The following ZSWIM9 variants were observed in gnomAD, a reference collection of about 807,000 sequenced individuals.
The protein encoded by ZSWIM9 is uncharacterized protein ZSWIM9.
In ZSWIM9, 11 loss-of-function variants were observed where a neutral mutation model predicts 25.0. The ratio of observed to expected loss-of-function variants is 0.44; its 90% CI spans 0.28 to 0.73. The LOEUF (loss-of-function observed/expected upper bound fraction) is 0.73. Ranked by LOEUF, ZSWIM9 falls within the 30% of genes least tolerant of loss-of-function variation. ZSWIM9 has a pLI of 0.16. For missense variants in ZSWIM9, 1,070 were observed against 1,296.5 expected (o/e 0.83, Z 2.68); for synonymous variants, 562 against 582.1 (o/e 0.97, Z 0.50).
rs1174253934 is a variant in ZSWIM9, at chr19:48,195,750, C to G, written c.1686C>G (p.Pro562=). 6.8e-7 allele frequency: 1 copy of G among 1,480,448 alleles called. No homozygotes were observed. Among genetic ancestry groups the G allele is most frequent in the Admixed American group, 2.4e-5 (1 of 41,544 alleles). 91.7% of individuals were successfully genotyped at this position (1,480,448 alleles called of 1,614,324 possible). A position where few individuals can be genotyped will look rare whatever the true frequency, so the allele number is the denominator to read the frequency against. The part of the protein sequence containing the change: ...RGPEIRDWRG[P]QLEGEKDWGL... ...CAGAGATTAGAGACTGGAGGGGGCCCCAGTTGGAGGGTGAGAAAGATTGGG... is the reference window on the plus strand; with the variant it reads ...CAGAGATTAGAGACTGGAGGGGGCCGCAGTTGGAGGGTGAGAAAGATTGGG... Residue 562 remains proline, a synonymous_variant, in exon 4 of 4, where the codon CCC becomes CCG. Transcript: ENST00000614654. This position sits in a 1 kb window ranked among gnomAD's most constrained non-coding sequence, Gnocchi z 5.8.
chr19:48,177,654 G>A (rs148328991), intron 2 of ZSWIM9, among the ~76,000 whole-genome samples: 2,020 of 152,198 alleles, frequency 0.013, 48 homozygotes, highest in African/African-American at 0.046. Context: ...TGACCTACCC[G>A]GAGCAAGGGG....
intron 3 of ZSWIM9, chr19:48,186,592 C>T (rs2037014302): frequency 6.5e-6 from 1 of 154,866 alleles, no homozygotes; most frequent in Admixed American, 6.5e-5. Flanking sequence ...GGGGCCACCA[C>T]ACCCGGCCTG....
At chr19:48,175,973 A>C (rs1303102642) in intron 2 of ZSWIM9, among the ~76,000 whole-genome samples, 1 of 152,244 alleles carries the variant, frequency 6.6e-6, no homozygotes, top group Non-Finnish European at 1.5e-5. Context: ...TGGGAGGCCG[A>C]GGCGGGCAGA....
At chr19:48,187,556 ATT>A (rs1261410114) in intron 3 of ZSWIM9, 1 of 27,654 alleles carries the variant, frequency 3.6e-5, no homozygotes, top group South Asian at 1.1e-3. Context: ...TATTATATAT[ATT>A]ATATATAATA....
rs2037167729 is a variant in ZSWIM9, at chr19:48,196,501, C to G, written c.2437C>G (p.Pro813Ala). 1 of 1,232,404 alleles carries G rather than the reference C, an allele frequency of 8.1e-7. No individual in the cohort carries two copies. Among genetic ancestry groups the G allele is most frequent in the Non-Finnish European group, 1.0e-6 (1 of 988,312 alleles). 76.3% of individuals were successfully genotyped at this position (1,232,404 alleles called of 1,614,324 possible). A position where few individuals can be genotyped will look rare whatever the true frequency, so the allele number is the denominator to read the frequency against. Residue 813 changes from proline (P) to alanine (A), a missense_variant, in exon 4 of 4, where the codon CCG becomes GCG. This residue lies in a region of ZSWIM9 where 583 missense variants were observed against 624.7 expected (regional missense o/e 0.93). Coordinates refer to ENST00000614654, the MANE Select transcript of ZSWIM9 (RefSeq NM_199341.4). Reference protein sequence around the residue: ...PREPKRLCRPPGEEEVDWEPL... With the variant: ...PREPKRLCRPAGEEEVDWEPL... ...GGAACCAAAGAGGCTTTGCCGACCC[C>G]CGGGAGAGGAGGAGGTGGACTGGGA...
intron 2 of ZSWIM9, among the ~76,000 whole-genome samples, chr19:48,179,554 G>A (rs986278456): frequency 2.6e-5 from 4 of 152,112 alleles, no homozygotes; most frequent in Admixed American, 6.6e-5. Flanking sequence ...TCTGAGAACC[G>A]CTGTCCTAGA....
chr19:48,176,408 T>G (rs77781385), intron 2 of ZSWIM9, among the ~76,000 whole-genome samples: 5 of 152,138 alleles, frequency 3.3e-5, no homozygotes, highest in African/African-American at 9.7e-5. Context: ...GGCCCCACTT[T>G]CCAGGTGAGA....
Position 48,195,020 on chromosome 19 carries a change from C to A in ZSWIM9, c.956C>A (p.Ala319Glu). ...TGCGCGCGCGTGCAGATCTGCCGCG[C>A]GCAGGGCCTGGAGACGCTCTTCAGC... The part of the protein sequence containing the change: ...LPCARVQICR[A>E]QGLETLFSKA... Residue 319 changes from alanine to glutamate, a missense_variant, in exon 4 of 4, where the codon GCG becomes GAG. Physicochemically the swap from Ala to Glu is moderately radical, Grantham distance 107. Transcript: ENST00000614654. The surrounding 1 kb of genome is among the most constrained non-coding windows in gnomAD (Gnocchi z 5.8). 1 of 1,368,862 alleles carries A rather than the reference C, an allele frequency of 7.3e-7. No individual in the cohort carries two copies. 84.8% of individuals were successfully genotyped at this position (1,368,862 alleles called of 1,614,324 possible).
chr19:48,190,983 A>C (rs998930813), intron 3 of ZSWIM9, among the ~76,000 whole-genome samples: 11 of 152,226 alleles, frequency 7.2e-5, no homozygotes, highest in Admixed American at 7.2e-4. Context: ...AGTTATGAAC[A>C]ACCTATTTAC....
chr19:48,197,457 G>A lies in ZSWIM9; in HGVS notation c.*630G>A, dbSNP rs2037182569. ...GAGACGGGTAGAGACGAAATGCAAG[G>A]GGCGTGGTTTTGGTTTTTCTCCAAG... On this transcript the variant is annotated 3_prime_UTR_variant, in exon 4 of 4. Coordinates refer to ENST00000614654, the MANE Select transcript of ZSWIM9 (RefSeq NM_199341.4). 1.7e-6 allele frequency: 1 copy of A among 601,136 alleles called. No homozygotes were observed. The highest frequency in any genetic ancestry group is 3.0e-6 in the Non-Finnish European group (1 of 338,316). 37.2% of individuals were successfully genotyped at this position (601,136 alleles called of 1,614,324 possible).
chr19:48,187,524 A>ATTAT, intron 3 of ZSWIM9, among the ~76,000 whole-genome samples: 1 of 84,636 alleles, frequency 1.2e-5, no homozygotes, highest in South Asian at 2.7e-4. Context: ...TATATATTAT[A>ATTAT]TATTATATTA....
intron 1 of ZSWIM9, chr19:48,171,111 G>C (rs1266662884): frequency 2.5e-6 from 1 of 397,688 alleles, no homozygotes; most frequent in African/African-American, 2.2e-5. Flanking sequence ...ACTGCATGTG[G>C]GGAGTACATC....
In ZSWIM9 at chr19:48,196,457, G is replaced by T. The variant is rs561642469; in HGVS notation, c.2393G>T (p.Gly798Val). ...HLAAGDGLQE[G>V]GEDGPREPKR... is the part of the protein sequence containing the mutation. The stretch of plus-strand genomic sequence containing the variant: ...GCTGCAGGTGACGGCCTGCAGGAAG[G>T]AGGCGAAGATGGCCCCAGGGAACCA... The change falls in exon 4 of 4, where the codon GGA becomes GTA. Residue 798 changes from glycine (G) to valine (V), a missense_variant. By Grantham distance (109) the Gly-to-Val change is moderately radical. Coordinates refer to ENST00000614654, the MANE Select transcript of ZSWIM9 (RefSeq NM_199341.4). 8.1e-7 allele frequency: 1 copy of T among 1,232,638 alleles called. No homozygotes were observed. The highest frequency in any genetic ancestry group is 4.2e-5 in the Admixed American group (1 of 23,720). 76.4% of individuals were successfully genotyped at this position (1,232,638 alleles called of 1,614,324 possible). A position where few individuals can be genotyped will look rare whatever the true frequency, so the allele number is the denominator to read the frequency against.
intron 2 of ZSWIM9, among the ~76,000 whole-genome samples, chr19:48,174,046 G>A (rs2036868704): frequency 6.6e-6 from 1 of 151,964 alleles, no homozygotes; most frequent in Non-Finnish European, 1.5e-5. Flanking sequence ...CTTGGATGGG[G>A]CTTTGCTGCC....
At position 48,172,166 on chromosome 19, in the gene ZSWIM9, C is replaced by T. The variant is rs2036837393; in HGVS notation, c.275+89C>T. Reference sequence around the variant, plus strand: ...GGAGACGGGCAGAGAACACCCCACCCAGAGATGCAGAGGGGGAGAGGCCAA... The same window carrying T: ...GGAGACGGGCAGAGAACACCCCACCTAGAGATGCAGAGGGGGAGAGGCCAA... On this transcript the variant is annotated intron_variant, in intron 2 of 3. Transcript: ENST00000614654. 38 of 1,299,960 alleles carry T rather than the reference C, an allele frequency of 2.9e-5. 1 individual carries two copies. In the South Asian group the frequency reaches 5.4e-4, roughly 19 times the overall value. The allele number at this position is 1,299,960 out of a possible 1,614,324, so 80.5% of individuals were successfully genotyped here.
intron 1 of ZSWIM9, chr19:48,171,166 T>C: frequency 1.1e-6 from 1 of 930,436 alleles, no homozygotes; most frequent in South Asian, 4.9e-5. Flanking sequence ...CAGCTGCATG[T>C]GGCGAGCCAT....
rs1157667650 is a variant in ZSWIM9 at position 48,171,946 on chromosome 19, G to A, written c.144G>A (p.Lys48=). ...AGCGGCTGGCGCTCTTCTTCGTCAA[G>A]AGCTCCATGCACCTGGCGCGCTGCC... ...CQQRLALFFV[K]SSMHLARCRW... Residue 48 remains lysine (K), a synonymous_variant, in exon 2 of 4, where the codon AAG becomes AAA. Transcript: ENST00000614654. 5 of 1,535,720 alleles carry A rather than the reference G, an allele frequency of 3.3e-6. No individual in the cohort carries two copies. In the East Asian group the frequency reaches 1.2e-4, roughly 38 times the overall value.
At chr19:48,187,043 T>A (rs538243033) in intron 3 of ZSWIM9, among the ~76,000 whole-genome samples, 1 of 152,148 alleles carries the variant, frequency 6.6e-6, no homozygotes, top group Admixed American at 6.6e-5. Context: ...ACTGGCCTGG[T>A]GTTGCCAGCT....
intron 3 of ZSWIM9, chr19:48,183,118 T>TTAAG: frequency 5.7e-6 from 1 of 176,588 alleles, no homozygotes; most frequent in Non-Finnish European, 1.2e-5. Context: ...AATTAATTAA[T>TTAAG]TTTTTTGAGA....
Sources: allele counts gnomAD v4.1 joint callset (sites outside exome capture counted in the v4.1 genomes callset), GRCh38; gene constraint gnomAD v4.1.1; regional missense constraint gnomAD v4.1.1; non-coding constraint Gnocchi (gnomAD v3.1); transcripts MANE v1.5; gene names NCBI Gene and HGNC (gene_info 2026-07-23, HGNC 2026-07-21).